The following ZNF468 variants were observed in gnomAD, a reference collection of about 807,000 sequenced individuals.
ZNF468 encodes zinc finger protein ZNF468.
In ZNF468, 8 loss-of-function variants were observed where a neutral mutation model predicts 7.2. The observed-to-expected ratio is 1.11, with a 90% confidence interval of 0.65 to 2.01. ZNF468 has a LOEUF of 2.01. Ranked by LOEUF, ZNF468 falls within the 30% of genes most tolerant of loss-of-function variation. The pLI, the probability that ZNF468 is intolerant of heterozygous loss-of-function variation, is 0.00. For missense variants in ZNF468, 608 were observed against 626.5 expected, an observed-to-expected ratio of 0.97 and a Z score of 0.31; for synonymous variants, 218 against 214.4, an observed-to-expected ratio of 1.02 and a Z score of -0.15.
intron 3 of ZNF468, among the ~76,000 whole-genome samples, chr19:52,847,376 C>G (rs1303562572): frequency 6.6e-6 from 1 of 150,862 alleles, no homozygotes; most frequent in African/African-American, 2.4e-5. Context: ...CCTAGAAAGC[C>G]TGGGTATTGT....
chr19:52,850,762 G>A (rs1310296561), intron 2 of ZNF468, among the ~76,000 whole-genome samples: 1 of 151,800 alleles, frequency 6.6e-6, no homozygotes, highest in African/African-American at 2.4e-5. Context: ...AGCCGGGCGT[G>A]GTGGCGGGCG....
intron 2 of ZNF468, among the ~76,000 whole-genome samples, chr19:52,851,965 T>C (rs2063393805): frequency 6.6e-6 from 1 of 152,134 alleles, no homozygotes; most frequent in Non-Finnish European, 1.5e-5. Flanking sequence ...TATTTATATA[T>C]AAAGGTTTTA....
chr19:52,838,206 A>C lies in ZNF468; in HGVS notation c.*2519T>G, dbSNP rs1036651576. The C allele has an allele frequency of 2.0e-5, 3 of 152,196 alleles. No individual in the cohort carries two copies. The highest frequency in any genetic ancestry group is 4.4e-5 in the Non-Finnish European group (3 of 68,038). 9.4% of individuals were successfully genotyped at this position (152,196 alleles called of 1,614,324 possible). ...GATGCAAGGATGGTTCAACATAGTC[A>C]AGCAAATCAATGTGATATACCACTT... On this transcript the variant is annotated 3_prime_UTR_variant, in exon 4 of 4. Coordinates refer to ENST00000595646, the MANE Select transcript of ZNF468 (RefSeq NM_001008801.2).
chr19:52,841,679 T>G lies in ZNF468; in HGVS notation c.615A>C (p.Lys205Asn), dbSNP rs1466634331. ...ATTTTTCTCTCATGTGTACTTCCCA[T>G]TTTTGTGTGAGTAATGAAGAATGGA... ...NSLHSSLLTQ[K>N]WEVHMREKSF... The change falls in exon 4 of 4, where the codon AAA (lysine) becomes AAC (asparagine). Residue 205 changes from lysine to asparagine, a missense_variant. Transcript: ENST00000595646. The G allele has an allele frequency of 1.9e-6, 3 of 1,614,108 alleles. No individual in the cohort carries two copies. Among genetic ancestry groups the G allele is most frequent in the Admixed American group, 3.3e-5 (2 of 60,004 alleles).
chr19:52,852,055 AAG>A (rs1434609428), intron 2 of ZNF468, among the ~76,000 whole-genome samples: 1 of 151,998 alleles, frequency 6.6e-6, no homozygotes, highest in Non-Finnish European at 1.5e-5. Context: ...AGTGGGAGGA[AAG>A]AGAGGAGCAG....
chr19:52,841,760 T>G lies in ZNF468; in HGVS notation c.534A>C (p.Gln178His), dbSNP rs761215426. 8.1e-6 allele frequency: 13 copies of G among 1,614,118 alleles called. No homozygotes were observed. Among genetic ancestry groups the G allele is most frequent in the Admixed American group, 1.7e-5 (1 of 60,004 alleles). The change falls in exon 4 of 4, where the codon CAA (glutamine) becomes CAC (histidine). Residue 178 changes from glutamine to histidine, a missense_variant. Physicochemically the swap from Gln to His is conservative, Grantham distance 24. Coordinates refer to ENST00000595646, the MANE Select transcript of ZNF468 (RefSeq NM_001008801.2). The stretch of plus-strand genomic sequence containing the variant: ...GGGTTTTGGGCCTACAACAAATTCT[T>G]TGGGATGTTGAAACTGAGGAAGCAT... ...INNASSVSTS[Q>H]RICCRPKTHI...
intron 2 of ZNF468, among the ~76,000 whole-genome samples, chr19:52,850,625 C>G (rs1013612061): frequency 6.6e-6 from 1 of 151,176 alleles, no homozygotes; most frequent in South Asian, 2.1e-4. Context: ...ATGGGCCGGG[C>G]GCGGTGGCTC....
At chr19:52,857,044 G>A (rs1444693389) in intron 1 of ZNF468, among the ~76,000 whole-genome samples, 2 of 151,752 alleles carry the variant, frequency 1.3e-5, no homozygotes, top group African/African-American at 4.8e-5. Flanking sequence ...CCTCTCCAAC[G>A]AGGGCTCAGG....
chr19:52,843,058 T>C (rs941672566), intron 3 of ZNF468, among the ~76,000 whole-genome samples: 1 of 148,496 alleles, frequency 6.7e-6, no homozygotes, highest in African/African-American at 2.5e-5. Flanking sequence ...GAGGCAAAGA[T>C]TGTGGTGAGT....
chr19:52,843,962 C>G (rs999476062), intron 3 of ZNF468, among the ~76,000 whole-genome samples: 8 of 151,942 alleles, frequency 5.3e-5, no homozygotes, highest in African/African-American at 1.7e-4. Flanking sequence ...TCTACTAAAA[C>G]TACAAAAAAA....
intron 2 of ZNF468, 110 bp downstream of exon 2, chr19:52,854,148 G>T (rs1312422857): frequency 1.3e-6 from 2 of 1,599,456 alleles, no homozygotes; most frequent in East Asian, 4.5e-5. Context: ...CATAAGTGAG[G>T]GTGAGCAAAC....
At chr19:52,854,414 AACATAGG>A in intron 1 of ZNF468, 69 bp from the exon 2 acceptor site, 1 of 1,441,536 alleles carries the variant, frequency 6.9e-7, no homozygotes, top group Non-Finnish European at 9.5e-7. Context: ...CAATGACACA[AACATAGG>A]AGACCTCACC....
rs150813228 is a variant in ZNF468, at chr19:52,841,599, T to A, written c.695A>T (p.Lys232Ile). The A allele has an allele frequency of 4.9e-4, 786 of 1,614,070 alleles. 3 individuals carry two copies. The African/African-American group carries it at 9.6e-3, about 20-fold the overall frequency. The change falls in exon 4 of 4, where the codon AAA becomes ATA. Residue 232 changes from lysine to isoleucine, a missense_variant. By Grantham distance (102) the Lys-to-Ile change is moderately radical. Coordinates refer to ENST00000595646, the MANE Select transcript of ZNF468 (RefSeq NM_001008801.2). ...KSFNCSSLLK[K>I]HQIIHLEEKQ... ...CTCTTCTAAGTGAATTATCTGATGT[T>A]TTTTTAAGAGTGAGCTGCAATTAAA...
At chr19:52,855,815 C>G (rs1396345301) in intron 1 of ZNF468, among the ~76,000 whole-genome samples, 3 of 152,216 alleles carry the variant, frequency 2.0e-5, no homozygotes, top group Non-Finnish European at 4.4e-5. Flanking sequence ...TTTCAGGGGT[C>G]AGGATCACTC....
chr19:52,854,949 G>C (rs577236582), intron 1 of ZNF468, among the ~76,000 whole-genome samples: 1 of 152,060 alleles, frequency 6.6e-6, no homozygotes, highest in Non-Finnish European at 1.5e-5. Context: ...TTGAACCTGC[G>C]CGACCCGAGA....
At position 52,850,577 on chromosome 19, in the gene ZNF468, A is replaced by AG. The variant is rs746805935; in HGVS notation, c.16-1365dup. ...GACACTGCAGTCTACTTGAGGGTGG[A>AG]GCGGGGAGGAAGGAGAGGAGCACAA... On this transcript the variant is annotated intron_variant, in intron 2 of 3. Transcript: ENST00000595646. Among the ~76,000 whole-genome samples, 86 of 152,118 alleles carry AG rather than the reference A, an allele frequency of 5.7e-4. 1 individual carries two copies. The highest frequency in any genetic ancestry group is 4.1e-4 in the Non-Finnish European group (28 of 68,024).
intron 2 of ZNF468, among the ~76,000 whole-genome samples, chr19:52,849,847 G>C (rs1277093669): frequency 2.0e-5 from 3 of 151,970 alleles, no homozygotes; most frequent in African/African-American, 7.3e-5. Context: ...AGGTTGCAGT[G>C]AGCTGCAATC....
Position 52,840,858 on chromosome 19 carries a change from GT to G in ZNF468, c.1435del (p.Thr479HisfsTer5), listed in dbSNP as rs759117527. ...CNECGKTFGQ[T>X]SSLIIHRRLH... ...CCTACGATGGATTATAAGCGATGATGTCTGACCGAAGGTCTTGCCACACTCA... is the reference window on the plus strand; with the variant it reads ...CCTACGATGGATTATAAGCGATGATGCTGACCGAAGGTCTTGCCACACTCA... On this transcript the variant is annotated frameshift_variant, in exon 4 of 4. Coordinates refer to ENST00000595646, the MANE Select transcript of ZNF468 (RefSeq NM_001008801.2). LOFTEE classifies it low-confidence loss of function (END_TRUNC). The G allele has an allele frequency of 1.3e-6, 2 of 1,592,194 alleles. No homozygotes were observed. Among genetic ancestry groups the G allele is most frequent in the East Asian group, 4.5e-5 (2 of 43,992 alleles).
Position 52,853,665 on chromosome 19 carries a change from T to G in ZNF468, c.15+593A>C, listed in dbSNP as rs1170589017. ...GAGATCGCGCCATTGCACTCCAGCC[T>G]GGGTAACAGAGCGAAACTCCATCTC... On this transcript the variant is annotated intron_variant, in intron 2 of 3. Transcript: ENST00000595646. Among the ~76,000 whole-genome samples the G allele has an allele frequency of 2.0e-5, 3 of 152,080 alleles. No homozygotes were observed. The South Asian group carries it at 6.2e-4, about 32-fold the overall frequency.
Sources: gnomAD v4.1 joint callset for allele counts (sites outside exome capture counted in the v4.1 genomes callset) on GRCh38, gnomAD v4.1.1 for gene constraint, MANE v1.5 for transcripts, NCBI Gene and HGNC (gene_info 2026-07-23, HGNC 2026-07-21) for gene names.